ACTR3C: variants seen among roughly 807,000 people sequenced by gnomAD.
ACTR3C encodes actin related protein 3C.
In ACTR3C, 18 loss-of-function variants were observed where a neutral mutation model predicts 26.3. The ratio of observed to expected loss-of-function variants is 0.68; its 90% CI spans 0.47 to 1.01. The LOEUF is 1.01. Ranked by LOEUF, ACTR3C falls within the 50% of genes least tolerant of loss-of-function variation. The pLI is 0.00. For synonymous variants in ACTR3C, 55 were observed against 94.5 expected, an observed-to-expected ratio of 0.58 and a Z score of 2.42; for missense variants, 184 against 250.7, an observed-to-expected ratio of 0.73 and a Z score of 1.80.
chr7:150,085,078 G>C, the ACTR3C span, among the ~76,000 whole-genome samples: 2 of 152,182 alleles, frequency 1.3e-5, no homozygotes, highest in Non-Finnish European at 2.9e-5. Flanking sequence ...GCCATTTACT[G>C]AGATGGAACA....
chr7:150,147,450 A>G, the ACTR3C span, among the ~76,000 whole-genome samples: 7 of 152,232 alleles, frequency 4.6e-5, no homozygotes, highest in Admixed American at 2.0e-4. Context: ...GTGATTTTTT[A>G]AATAGAGATA....
chr7:150,252,726 T>C (rs1330978993), intron 6 of ACTR3C, among the ~76,000 whole-genome samples: 2 of 150,308 alleles, frequency 1.3e-5, no homozygotes, highest in Non-Finnish European at 2.9e-5. Flanking sequence ...AATATTTTAT[T>C]TGAAGTACCT....
At chr7:150,188,322 C>A in the ACTR3C span, among the ~76,000 whole-genome samples, 5 of 151,564 alleles carry the variant, frequency 3.3e-5, no homozygotes, top group Non-Finnish European at 7.4e-5. Flanking sequence ...GAGTAGTGTT[C>A]CACTGCATGA....
At chr7:149,933,611 C>T in the ACTR3C span, among the ~76,000 whole-genome samples, 1 of 152,148 alleles carries the variant, frequency 6.6e-6, no homozygotes, top group East Asian at 1.9e-4. Flanking sequence ...AGTACAAACC[C>T]CAAACATGAG....
At chr7:150,048,589 G>A in the ACTR3C span, among the ~76,000 whole-genome samples, 1 of 151,902 alleles carries the variant, frequency 6.6e-6, no homozygotes, top group South Asian at 2.1e-4. Flanking sequence ...GGATGCGGAG[G>A]TCGAGGCAGG....
intron 6 of ACTR3C, among the ~76,000 whole-genome samples, chr7:150,279,860 T>A (rs1175954061): frequency 6.6e-6 from 1 of 152,214 alleles, no homozygotes; most frequent in Non-Finnish European, 1.5e-5. Flanking sequence ...TTAGAGTTAT[T>A]TCCGTATTTT....
chr7:150,038,585 G>A, the ACTR3C span, among the ~76,000 whole-genome samples: 17 of 145,040 alleles, frequency 1.2e-4, no homozygotes, highest in Admixed American at 9.4e-4. Context: ...CTTAAGCTCC[G>A]GTAGATTGCA....
At chr7:150,169,305 C>A in the ACTR3C span, among the ~76,000 whole-genome samples, 1 of 148,276 alleles carries the variant, frequency 6.7e-6, no homozygotes, top group Admixed American at 6.7e-5. Flanking sequence ...ATGGCATGAA[C>A]CCAGAAGGCA....
At chr7:150,240,453 T>C (rs548041796), downstream of ACTR3C, among the ~76,000 whole-genome samples, 3 of 152,282 alleles carry the variant, frequency 2.0e-5, no homozygotes, top group Admixed American at 6.5e-5. Context: ...TTGGGACAAA[T>C]ACCTAATGCT....
the ACTR3C span, among the ~76,000 whole-genome samples, chr7:149,922,904 T>A: frequency 7.0e-6 from 1 of 143,082 alleles, no homozygotes; most frequent in African/African-American, 2.6e-5. Context: ...CAATGCAACA[T>A]GAAAAGAATG....
At chr7:149,902,137 A>G in the ACTR3C span, among the ~76,000 whole-genome samples, 2 of 152,142 alleles carry the variant, frequency 1.3e-5, no homozygotes, top group Non-Finnish European at 2.9e-5. Flanking sequence ...AACATTTGCT[A>G]CAACAGTTGA....
chr7:149,925,153 A>T, the ACTR3C span, among the ~76,000 whole-genome samples: 4 of 143,860 alleles, frequency 2.8e-5, no homozygotes, highest in Non-Finnish European at 4.4e-5. Flanking sequence ...AATCAAATAC[A>T]TAAAGTTAAC....
the ACTR3C span, among the ~76,000 whole-genome samples, chr7:150,164,993 C>A: frequency 6.6e-6 from 1 of 152,148 alleles, no homozygotes; most frequent in South Asian, 2.1e-4. Context: ...GATTGTTATT[C>A]CCTTGTCAGA....
chr7:149,996,253 G>T, the ACTR3C span, among the ~76,000 whole-genome samples: 1 of 151,564 alleles, frequency 6.6e-6, no homozygotes, highest in African/African-American at 2.4e-5. Flanking sequence ...AGGAGAGGAA[G>T]GGGTAGGCTT....
the ACTR3C span, among the ~76,000 whole-genome samples, chr7:149,946,781 G>A: frequency 6.6e-6 from 1 of 151,346 alleles, no homozygotes; most frequent in Non-Finnish European, 1.5e-5. Flanking sequence ...TCCCCGTGAA[G>A]GTGACATCAT....
chr7:150,107,962 G>C, the ACTR3C span, among the ~76,000 whole-genome samples: 1 of 152,066 alleles, frequency 6.6e-6, no homozygotes, highest in African/African-American at 2.4e-5. Context: ...TAGGAGAAGA[G>C]GGTGAGGATG....
the ACTR3C span, among the ~76,000 whole-genome samples, chr7:150,064,393 A>G: frequency 1.4e-5 from 2 of 140,080 alleles, no homozygotes; most frequent in Non-Finnish European, 1.5e-5. Context: ...CCCGCCCCCA[A>G]CCCCCCGCTA....
intron 3 of ACTR3C, among the ~76,000 whole-genome samples, chr7:150,291,823 G>A (rs1584944372): frequency 6.6e-6 from 1 of 151,896 alleles, no homozygotes; most frequent in Non-Finnish European, 1.5e-5. Flanking sequence ...CTCTTCTCAA[G>A]ATCCACCGAA....
At chr7:150,102,918 G>A in the ACTR3C span, among the ~76,000 whole-genome samples, 1 of 152,070 alleles carries the variant, frequency 6.6e-6, no homozygotes, top group Non-Finnish European at 1.5e-5. Context: ...CAGCAGTGCT[G>A]CATGTAGTAG....
Sources: allele counts gnomAD v4.1 joint callset (sites outside exome capture counted in the v4.1 genomes callset), GRCh38; gene constraint gnomAD v4.1.1; transcripts MANE v1.5; gene names NCBI Gene and HGNC (gene_info 2026-07-23, HGNC 2026-07-21).